Variants in KCNB2 observed in about 807,000 individuals in gnomAD.
The protein encoded by KCNB2 is potassium voltage-gated channel subfamily B member 2, also known as delayed rectifier potassium channel protein.
In KCNB2, 15 loss-of-function variants were observed where a neutral mutation model predicts 61.5. The ratio of observed to expected loss-of-function variants is 0.24; its 90% CI spans 0.16 to 0.38. KCNB2 has a LOEUF of 0.38. Ranked by LOEUF, KCNB2 falls within the 10% of genes least tolerant of loss-of-function variation. The pLI is 1.00. For missense variants in KCNB2, 828 were observed against 1,125.2 expected, an observed-to-expected ratio of 0.74 and a Z score of 3.78; for synonymous variants, 457 against 446.0, an observed-to-expected ratio of 1.02 and a Z score of -0.31.
At chr8:72,826,419 A>G (rs1050011732) in intron 2 of KCNB2, among the ~76,000 whole-genome samples, 1 of 152,220 alleles carries the variant, frequency 6.6e-6, no homozygotes, top group African/African-American at 2.4e-5. Flanking sequence ...ACAATAAGGA[A>G]GGGGAAGAGG....
intron 2 of KCNB2, among the ~76,000 whole-genome samples, chr8:72,889,852 T>C (rs920969442): frequency 1.3e-5 from 2 of 151,962 alleles, no homozygotes; most frequent in Non-Finnish European, 2.9e-5. Context: ...ATCTCCTGGG[T>C]TCAAGCAATT....
chr8:72,822,822 G>A (rs1809532719), intron 2 of KCNB2, among the ~76,000 whole-genome samples: 1 of 152,148 alleles, frequency 6.6e-6, no homozygotes, highest in African/African-American at 2.4e-5. Context: ...TTCCCAAGAT[G>A]GAGATCTTTC....
At chr8:72,899,653 A>G (rs1247094411) in intron 2 of KCNB2, among the ~76,000 whole-genome samples, 1 of 139,526 alleles carries the variant, frequency 7.2e-6, no homozygotes, top group Non-Finnish European at 1.6e-5. Context: ...TGAAATACCT[A>G]GGAATATAGC....
intron 2 of KCNB2, among the ~76,000 whole-genome samples, chr8:72,664,101 A>G (rs1806425568): frequency 6.6e-6 from 1 of 152,238 alleles, no homozygotes; most frequent in Non-Finnish European, 1.5e-5. Context: ...TGCAGGAATT[A>G]TGTGATTCAC....
intron 2 of KCNB2, among the ~76,000 whole-genome samples, chr8:72,768,781 A>G (rs541183789): frequency 1.3e-5 from 2 of 152,292 alleles, no homozygotes; most frequent in African/African-American, 4.8e-5. Flanking sequence ...TTGCAAGTGG[A>G]CATCCAGTTG....
chr8:72,881,870 A>G (rs1301555376), intron 2 of KCNB2: 1 of 152,128 alleles, frequency 6.6e-6, no homozygotes, highest in Admixed American at 6.6e-5. Flanking sequence ...GCGGCCAGAA[A>G]AGAGCCAGTG....
intron 2 of KCNB2, among the ~76,000 whole-genome samples, chr8:72,790,301 C>CTCGA (rs1585894808): frequency 6.6e-6 from 1 of 152,074 alleles, no homozygotes; most frequent in Admixed American, 6.6e-5. Context: ...CCCAGAGGAA[C>CTCGA]TCGAGTAAAT....
intron 2 of KCNB2, among the ~76,000 whole-genome samples, chr8:72,722,157 T>C (rs1239292796): frequency 6.6e-6 from 1 of 152,252 alleles, no homozygotes; most frequent in South Asian, 2.1e-4. Flanking sequence ...TCTACCACCA[T>C]CATCTGTGCA....
At chr8:72,544,364 G>A (rs945746908) in intron 1 of KCNB2, among the ~76,000 whole-genome samples, 1 of 152,148 alleles carries the variant, frequency 6.6e-6, no homozygotes, top group Non-Finnish European at 1.5e-5. Flanking sequence ...CAGGTTGTTG[G>A]GGGAGAGAGG....
At chr8:72,789,648 C>T (rs891354535) in intron 2 of KCNB2, among the ~76,000 whole-genome samples, 2 of 152,088 alleles carry the variant, frequency 1.3e-5, no homozygotes, top group South Asian at 2.1e-4. Flanking sequence ...ATGCTTTATC[C>T]TCAAGACATC....
rs1312827222 is a variant in KCNB2 at position 72,677,909 on chromosome 8, A to G, written c.579+109596A>G. Among the ~76,000 whole-genome samples the G allele has an allele frequency of 5.9e-5, 9 of 152,310 alleles. No individual in the cohort carries two copies. The East Asian group carries it at 1.7e-3, about 29-fold the overall frequency. On this transcript the variant is annotated intron_variant, in intron 2 of 2. Coordinates refer to ENST00000523207, the MANE Select transcript of KCNB2 (RefSeq NM_004770.3). ...CAGTCCTCCTGGCTTTAGATAAAAT[A>G]CCACTATACCAAGGCATCCAAATTT... is the stretch of plus-strand genomic sequence containing the variant.
intron 2 of KCNB2, among the ~76,000 whole-genome samples, chr8:72,767,865 C>T (rs909105009): frequency 6.6e-6 from 1 of 152,196 alleles, no homozygotes; most frequent in African/African-American, 2.4e-5. Context: ...TCTCCACACC[C>T]TTGCCAACTC....
chr8:72,891,051 G>A (rs1805888960), intron 2 of KCNB2, among the ~76,000 whole-genome samples: 1 of 152,200 alleles, frequency 6.6e-6, no homozygotes, highest in African/African-American at 2.4e-5. Context: ...ATGACACATA[G>A]TTCAACAGCG....
chr8:72,900,831 A>G (rs1382863828), intron 2 of KCNB2, among the ~76,000 whole-genome samples: 1 of 152,196 alleles, frequency 6.6e-6, no homozygotes, highest in African/African-American at 2.4e-5. Context: ...ATTATTAAAA[A>G]GTCAAATATT....
intron 2 of KCNB2, among the ~76,000 whole-genome samples, chr8:72,858,930 T>C (rs942874533): frequency 6.6e-6 from 1 of 152,238 alleles, no homozygotes; most frequent in African/African-American, 2.4e-5. Flanking sequence ...ATTTATGTCA[T>C]GTAAATTAGT....
chr8:72,540,285 T>C (rs1806171000), intron 1 of KCNB2, among the ~76,000 whole-genome samples: 1 of 152,170 alleles, frequency 6.6e-6, no homozygotes, highest in African/African-American at 2.4e-5. Flanking sequence ...AGGAAGATTC[T>C]TAACGTTGAT....
chr8:72,609,790 T>C (rs1805508883), intron 2 of KCNB2, among the ~76,000 whole-genome samples: 1 of 152,228 alleles, frequency 6.6e-6, no homozygotes. Context: ...TGTGCACTTA[T>C]GTAAACCATT....
At chr8:72,709,274 A>T (rs920102786) in intron 2 of KCNB2, among the ~76,000 whole-genome samples, 1 of 152,204 alleles carries the variant, frequency 6.6e-6, no homozygotes, top group Non-Finnish European at 1.5e-5. Context: ...AAAAATTTTT[A>T]AATTTACATT....
intron 2 of KCNB2, among the ~76,000 whole-genome samples, chr8:72,629,333 G>A (rs1178140889): frequency 6.6e-6 from 1 of 152,158 alleles, no homozygotes; most frequent in Admixed American, 6.6e-5. Context: ...CATCAGTCAG[G>A]TAAGCTCGCC....
Sources: gnomAD v4.1 joint callset for allele counts (sites outside exome capture counted in the v4.1 genomes callset) on GRCh38, gnomAD v4.1.1 for gene constraint, MANE v1.5 for transcripts, NCBI Gene and HGNC (gene_info 2026-07-23, HGNC 2026-07-21) for gene names.